The following SOX6 variants were observed in gnomAD, a reference collection of about 807,000 sequenced individuals.
SOX6 encodes transcription factor SOX-6.
SOX6 carries 11 observed loss-of-function variants against 97.8 expected under a neutral mutation model. The ratio of observed to expected loss-of-function variants is 0.11; its 90% CI spans 0.07 to 0.19. The LOEUF (loss-of-function observed/expected upper bound fraction) is 0.19, where lower values mean the gene tolerates loss of function less well. Among genes scored for constraint, SOX6 ranks in the 10% least tolerant of loss-of-function variants. The pLI, the probability that SOX6 is intolerant of heterozygous loss-of-function variation, is 1.00. For synonymous variants in SOX6, 360 were observed against 371.4 expected (o/e 0.97, Z 0.35); for missense variants, 810 against 1,039.5 (o/e 0.78, Z 3.04).
intron 3 of SOX6, among the ~76,000 whole-genome samples, chr11:16,641,964 T>C (rs539087064): frequency 5.2e-4 from 79 of 152,186 alleles, no homozygotes; most frequent in Non-Finnish European, 9.3e-4. Context: ...GTTAGCTGGT[T>C]ATTTTGCTCG....
At chr11:16,520,497 G>T (rs1359185864) in intron 4 of SOX6, among the ~76,000 whole-genome samples, 1 of 152,202 alleles carries the variant, frequency 6.6e-6, no homozygotes, top group Admixed American at 6.5e-5. Context: ...CTTGGGCCGA[G>T]CCAAGATGGC....
Position 16,517,025 on chromosome 11 carries a change from T to G in SOX6, n.610-40637A>C, listed in dbSNP as rs759553774. 5.2e-3 allele frequency among the ~76,000 whole-genome samples: 725 copies of G among 138,302 alleles called. 16 individuals carry two copies. The East Asian group carries it at 0.056, about 11-fold the overall frequency. 90.7% of individuals were successfully genotyped at this position (138,302 alleles called of 152,430 possible). A position where few individuals can be genotyped will look rare whatever the true frequency, so the allele number is the denominator to read the frequency against. On this transcript the variant is annotated intron_variant and non_coding_transcript_variant, in intron 4 of 5. Transcript: ENST00000524520. ...CCTGGGATGCAAGGCTGGTTCAATA[T>G]ACGCAAATCAATAAATGTAATCCAG...
intron 1 of SOX6, among the ~76,000 whole-genome samples, chr11:16,475,654 G>C (rs923124788): frequency 2.6e-5 from 4 of 152,036 alleles, no homozygotes; most frequent in Admixed American, 6.6e-5. Context: ...CGTCATAACA[G>C]ACATAATAAT....
chr11:16,025,390 A>C (rs1855187903), intron 12 of SOX6, among the ~76,000 whole-genome samples: 1 of 152,204 alleles, frequency 6.6e-6, no homozygotes, highest in African/African-American at 2.4e-5. Flanking sequence ...ACATGGTTTA[A>C]AAAGTGGAGA....
intron 4 of SOX6, among the ~76,000 whole-genome samples, chr11:16,500,037 T>A (rs1860675872): frequency 6.6e-6 from 1 of 152,160 alleles, no homozygotes; most frequent in Non-Finnish European, 1.5e-5. Context: ...ATATCCCTGA[T>A]GAACATCAAT....
chr11:16,526,027 CT>C (rs1467219848), intron 4 of SOX6, among the ~76,000 whole-genome samples: 1 of 152,144 alleles, frequency 6.6e-6, no homozygotes, highest in East Asian at 1.9e-4. Flanking sequence ...CACTTTTACA[CT>C]GTTGGTGGGA....
chr11:16,046,399 C>T, intron 12 of SOX6, 115 bp downstream of exon 12: 1 of 1,124,740 alleles, frequency 8.9e-7, no homozygotes, highest in Non-Finnish European at 1.3e-6. Context: ...AGACAGCCCT[C>T]AAGCTGGAAG....
chr11:16,732,198 C>G (rs1848355553), intron 2 of SOX6, among the ~76,000 whole-genome samples: 1 of 152,220 alleles, frequency 6.6e-6, no homozygotes, highest in African/African-American at 2.4e-5. Flanking sequence ...CTATCCCCAT[C>G]AAGCTACCAT....
At chr11:16,708,984 A>G (rs1198071525) in intron 3 of SOX6, among the ~76,000 whole-genome samples, 1 of 152,220 alleles carries the variant, frequency 6.6e-6, no homozygotes, top group Non-Finnish European at 1.5e-5. Flanking sequence ...ATTGTGTACC[A>G]TGTTTAAATG....
Position 16,096,000 on chromosome 11 carries a change from A to G in SOX6, c.1097T>C (p.Ile366Thr), listed in dbSNP as rs778122337. Residue 366 changes from isoleucine (I) to threonine (T), a missense_variant, in exon 9 of 16, where the codon ATT (isoleucine) becomes ACT (threonine). Ile to Thr is a moderately conservative substitution (Grantham distance 89). Transcript: ENST00000683767. ...GGGHSYNHKQ[I>T]EQLYAAQLAS... ...CATCAATGGAAGCATTCATACCTCA[A>G]TCTGTTTGTGGTTGTAAGAGTGGCC... 14 of 1,611,284 alleles carry G rather than the reference A, an allele frequency of 8.7e-6. No individual in the cohort carries two copies. The highest frequency in any genetic ancestry group is 1.0e-5 in the Non-Finnish European group (12 of 1,178,244).
intron 4 of SOX6, among the ~76,000 whole-genome samples, chr11:16,490,125 T>G (rs1042030019): frequency 2.6e-5 from 4 of 152,070 alleles, no homozygotes; most frequent in Non-Finnish European, 5.9e-5. Context: ...AAAAGCCAGA[T>G]AGTAAACAAT....
chr11:16,208,237 C>T (rs1488964169), intron 4 of SOX6, among the ~76,000 whole-genome samples: 1 of 152,170 alleles, frequency 6.6e-6, no homozygotes. Context: ...ACACATCTGT[C>T]ATTTGAATTT....
chr11:16,161,319 T>C (rs558415539), intron 6 of SOX6, among the ~76,000 whole-genome samples: 3 of 150,964 alleles, frequency 2.0e-5, no homozygotes. Flanking sequence ...GAATTTGATA[T>C]ATATATATAT....
chr11:16,514,632 G>C (rs1860936023), intron 4 of SOX6, among the ~76,000 whole-genome samples: 1 of 151,388 alleles, frequency 6.6e-6, no homozygotes, highest in Non-Finnish European at 1.5e-5. Flanking sequence ...TGCCACACTG[G>C]TGCGCTGCAC....
intron 4 of SOX6, among the ~76,000 whole-genome samples, chr11:16,218,535 C>G (rs770013953): frequency 6.6e-6 from 1 of 151,980 alleles, no homozygotes; most frequent in African/African-American, 2.4e-5. Flanking sequence ...TAATATTTTA[C>G]TCATAAAAAT....
chr11:16,666,826 G>A (rs535384439), intron 3 of SOX6, among the ~76,000 whole-genome samples: 4 of 151,604 alleles, frequency 2.6e-5, no homozygotes, highest in African/African-American at 9.7e-5. Flanking sequence ...AGTCAAAGGA[G>A]ACAAAAGAAT....
At position 16,111,888 on chromosome 11, in the gene SOX6, A is replaced by C. The variant is rs1284266133; in HGVS notation, c.813T>G (p.Ile271Met). 2.5e-6 allele frequency: 4 copies of C among 1,612,478 alleles called. No homozygotes were observed. Among genetic ancestry groups the C allele is most frequent in the Non-Finnish European group, 2.5e-6 (3 of 1,179,948 alleles). Residue 271 changes from isoleucine to methionine, a missense_variant, in exon 7 of 16, where the codon ATT becomes ATG. By Grantham distance (10) the Ile-to-Met change is conservative (BLOSUM62 1). Coordinates refer to ENST00000683767, the MANE Select transcript of SOX6 (RefSeq NM_001367873.1). Reference protein sequence around the residue: ...QGHMPPLMIPIFPHDQRTLAA... With the variant: ...QGHMPPLMIPMFPHDQRTLAA... Reference sequence around the variant, plus strand: ...CCAGAGTCCGCTGGTCATGTGGAAAAATTGGGATCATGAGCGGAGGCATGT... The same window carrying C: ...CCAGAGTCCGCTGGTCATGTGGAAACATTGGGATCATGAGCGGAGGCATGT...
chr11:16,157,720 T>A (rs1589982112), intron 6 of SOX6, among the ~76,000 whole-genome samples: 1 of 152,026 alleles, frequency 6.6e-6, no homozygotes, highest in Non-Finnish European at 1.5e-5. Context: ...TTGCCACACT[T>A]GTACTTGTTC....
At chr11:16,032,328 T>C (rs1564916546) in intron 12 of SOX6, among the ~76,000 whole-genome samples, 1 of 152,202 alleles carries the variant, frequency 6.6e-6, no homozygotes, top group Non-Finnish European at 1.5e-5. Flanking sequence ...TAATGGGGGC[T>C]AATAAAAGAT....
Sources: gnomAD v4.1 joint callset for allele counts (sites outside exome capture counted in the v4.1 genomes callset) on GRCh38, gnomAD v4.1.1 for gene constraint, MANE v1.5 for transcripts, NCBI Gene and HGNC (gene_info 2026-07-23, HGNC 2026-07-21) for gene names.